The following STK31 variants were observed in gnomAD, a reference collection of about 807,000 sequenced individuals.
The protein encoded by STK31 is serine/threonine kinase 31, also known as serine/threonine-protein kinase 31.
Under a neutral mutation model 129.7 loss-of-function variants are expected in STK31, and 89 were observed. The observed-to-expected ratio is 0.69, with a 90% CI of 0.58 to 0.82. The LOEUF is 0.82. Ranked by LOEUF, STK31 falls within the 40% of genes least tolerant of loss-of-function variation. The pLI is 0.00. For synonymous variants in STK31, 448 were observed against 395.3 expected, an observed-to-expected ratio of 1.13 and a Z score of -1.58; for missense variants, 1,187 against 1,176.4, an observed-to-expected ratio of 1.01 and a Z score of -0.13.
At chr7:23,749,516 CTTTTT>C (rs751693855) in intron 8 of STK31, among the ~76,000 whole-genome samples, 17 of 130,818 alleles carry the variant, frequency 1.3e-4, no homozygotes, top group Admixed American at 9.2e-4. Flanking sequence ...CTAATTTTTG[CTTTTT>C]TTTTTTTTTT....
intron 4 of STK31, among the ~76,000 whole-genome samples, chr7:23,725,196 T>A (rs1365330715): frequency 2.6e-5 from 4 of 152,042 alleles, no homozygotes; most frequent in African/African-American, 7.2e-5. Context: ...TAAGGACCAC[T>A]TTTATTCCCC....
intron 6 of STK31, among the ~76,000 whole-genome samples, chr7:23,730,878 A>ATATATATATTTTTTTTTTTTTTTT: frequency 1.7e-5 from 1 of 59,554 alleles, no homozygotes; most frequent in Non-Finnish European, 3.3e-5. Flanking sequence ...ATATATATAT[A>ATATATATATTTTTTTTTTTTTTTT]TTTTTTTTTT....
Position 23,754,390 on chromosome 7 carries a change from T to C in STK31, c.1209T>C (p.Thr403=). The change falls in exon 10 of 24, where the codon ACT becomes ACC. Residue 403 remains threonine, a synonymous_variant. Transcript: ENST00000355870. ...AAGTGTTGGATGAAGGGTGCTTTACTACTCCAGCTTCTTTGAATGGATTAG... is the reference window on the plus strand; with the variant it reads ...AAGTGTTGGATGAAGGGTGCTTTACCACTCCAGCTTCTTTGAATGGATTAG... ...AIQVLDEGCF[T]TPASLNGLEI... 6.2e-7 allele frequency: 1 copy of C among 1,614,126 alleles called. No individual in the cohort carries two copies. Among genetic ancestry groups the C allele is most frequent in the South Asian group, 1.1e-5 (1 of 91,070 alleles).
chr7:23,751,677 A>G (rs753363714), intron 8 of STK31, among the ~76,000 whole-genome samples: 3 of 152,088 alleles, frequency 2.0e-5, no homozygotes, highest in Non-Finnish European at 2.9e-5. Context: ...ATATTATTGT[A>G]GTTTTGTCTG....
intron 16 of STK31, among the ~76,000 whole-genome samples, chr7:23,783,372 C>T (rs556154937): frequency 6.6e-6 from 1 of 152,152 alleles, no homozygotes; most frequent in African/African-American, 2.4e-5. Context: ...AGTACGGAGT[C>T]CTTCTCAGGC....
chr7:23,742,893 G>C (rs1483290075), intron 8 of STK31, among the ~76,000 whole-genome samples: 1 of 151,682 alleles, frequency 6.6e-6, no homozygotes, highest in Non-Finnish European at 1.5e-5. Flanking sequence ...TCTGTAGTGG[G>C]AACATTTGAT....
At chr7:23,768,865 A>T in intron 11 of STK31, 130 bp from the exon 12 acceptor site, 1 of 748,540 alleles carries the variant, frequency 1.3e-6, no homozygotes, top group Non-Finnish European at 2.0e-6. Context: ...GATGATTCTA[A>T]GTTGTATTTA....
chr7:23,796,926 G>C (rs528732022), intron 22 of STK31, among the ~76,000 whole-genome samples: 2 of 135,646 alleles, frequency 1.5e-5, no homozygotes, highest in South Asian at 5.0e-4. Context: ...TATTTACCAA[G>C]ATAATGGAAA....
intron 8 of STK31, among the ~76,000 whole-genome samples, chr7:23,747,978 C>G: frequency 6.6e-6 from 1 of 152,050 alleles, no homozygotes; most frequent in East Asian, 1.9e-4. Flanking sequence ...TTTATACTTT[C>G]CTATTTTTGC....
At chr7:23,722,048 A>G in intron 4 of STK31, 1 of 166,092 alleles carries the variant, frequency 6.0e-6, no homozygotes, top group South Asian at 1.6e-4. Context: ...GAAGTTTGTT[A>G]TTACCAATCG....
Position 23,790,830 on chromosome 7 carries a change from C to A in STK31, c.2644C>A (p.Arg882=). The A allele has an allele frequency of 6.3e-7, 1 of 1,588,658 alleles. No individual in the cohort carries two copies. Among genetic ancestry groups the A allele is most frequent in the Non-Finnish European group, 8.5e-7 (1 of 1,170,670 alleles). ...TAAAATATTGTTTTTGCAGAGTCAG[C>A]GAGCCTCGGTGAACATGATGGTTGG... is the stretch of plus-strand genomic sequence containing the variant. ...DFDFTKSVSQ[R]ASVNMMVGDL... Residue 882 remains arginine, a synonymous_variant, in exon 22 of 24, where the codon CGA becomes AGA. Transcript: ENST00000355870.
At chr7:23,811,110 G>A in intron 22 of STK31, 1 of 162,090 alleles carries the variant, frequency 6.2e-6, no homozygotes. Context: ...TATGATGACA[G>A]GTGATAGATC....
At chr7:23,734,519 C>T (rs573091070) in intron 6 of STK31, among the ~76,000 whole-genome samples, 7 of 152,272 alleles carry the variant, frequency 4.6e-5, no homozygotes, top group Admixed American at 3.9e-4. Flanking sequence ...AATTAAGTCT[C>T]AATATGTTCC....
intron 22 of STK31, among the ~76,000 whole-genome samples, chr7:23,795,875 G>A (rs1302199583): frequency 6.6e-6 from 1 of 152,222 alleles, no homozygotes; most frequent in Non-Finnish European, 1.5e-5. Context: ...TTTACCCAAT[G>A]CCTGTACCCC....
chr7:23,717,041 C>G (rs954351777), intron 3 of STK31, among the ~76,000 whole-genome samples: 1 of 149,222 alleles, frequency 6.7e-6, no homozygotes, highest in Admixed American at 6.7e-5. Flanking sequence ...AAAAATGATC[C>G]TCCCACCTCG....
At chr7:23,737,714 C>G (rs1014233801) in intron 8 of STK31, among the ~76,000 whole-genome samples, 1 of 152,146 alleles carries the variant, frequency 6.6e-6, no homozygotes, top group Non-Finnish European at 1.5e-5. Flanking sequence ...TGATATTTCT[C>G]TTAAATTGCT....
At chr7:23,771,258 G>A in intron 14 of STK31, 134 bp downstream of exon 14, 1 of 804,116 alleles carries the variant, frequency 1.2e-6, no homozygotes, top group Admixed American at 3.7e-5. Context: ...AACTGGAAAT[G>A]GTGATTTTTG....
chr7:23,767,446 G>T (rs1445217226), intron 11 of STK31, among the ~76,000 whole-genome samples: 1 of 152,186 alleles, frequency 6.6e-6, no homozygotes, highest in Non-Finnish European at 1.5e-5. Context: ...TCTAGCTTCT[G>T]ATGTTGCCAT....
At chr7:23,776,554 C>T (rs1025669439) in intron 15 of STK31, among the ~76,000 whole-genome samples, 3 of 152,136 alleles carry the variant, frequency 2.0e-5, no homozygotes, top group African/African-American at 7.2e-5. Flanking sequence ...CTGATTTAGT[C>T]TTGGGAGGGT....
Sources: allele counts gnomAD v4.1 joint callset (sites outside exome capture counted in the v4.1 genomes callset), GRCh38; gene constraint gnomAD v4.1.1; transcripts MANE v1.5; gene names NCBI Gene and HGNC (gene_info 2026-07-23, HGNC 2026-07-21).